RPUSD4: variants seen among roughly 807,000 people sequenced by gnomAD.
RPUSD4 encodes the protein RNA pseudouridine synthase D4.
RPUSD4 carries 37 observed loss-of-function variants against 35.4 expected under a neutral mutation model. The ratio of observed to expected loss-of-function variants is 1.04; its 90% confidence interval spans 0.80 to 1.37. The LOEUF is 1.37. Among genes scored for constraint, RPUSD4 ranks in the 40% most tolerant of loss-of-function variants. The probability of loss-of-function intolerance (pLI) is 0.00; values close to 1 mark genes in which losing one functional copy is unlikely to be tolerated. For missense variants in RPUSD4, 507 were observed against 484.9 expected (o/e 1.05, Z -0.43); for synonymous variants, 210 against 192.7 (o/e 1.09, Z -0.74).
intron 6 of RPUSD4, 55 bp from the exon 7 acceptor site, chr11:126,203,712 G>A (rs868013534): frequency 1.1e-5 from 17 of 1,567,420 alleles, no homozygotes; most frequent in South Asian, 8.2e-5. Flanking sequence ...CACCCTTGAC[G>A]AACATGCAAG....
chr11:126,205,976 A>T lies in RPUSD4; in HGVS notation c.558-195T>A, dbSNP rs1462523833. 8.6e-6 allele frequency: 4 copies of T among 464,364 alleles called. No individual in the cohort carries two copies. The East Asian group carries it at 9.6e-5, about 11-fold the overall frequency. 28.8% of individuals were successfully genotyped at this position (464,364 alleles called of 1,614,324 possible). A position where few individuals can be genotyped will look rare whatever the true frequency, so the allele number is the denominator to read the frequency against. ...ATTTCACAAGCTTATCTTTTTTACT[A>T]CTAAAGTCATACATGCTAATTGTAG... On this transcript the variant is annotated intron_variant, in intron 3 of 6. Coordinates refer to ENST00000298317, the MANE Select transcript of RPUSD4 (RefSeq NM_032795.3).
At chr11:126,210,630 G>A (rs1366379394) in intron 2 of RPUSD4, among the ~76,000 whole-genome samples, 1 of 151,590 alleles carries the variant, frequency 6.6e-6, no homozygotes, top group African/African-American at 2.4e-5. Flanking sequence ...CACAGCCTTT[G>A]TATATCTCTA....
Position 126,209,616 on chromosome 11 carries a change from C to T in RPUSD4, c.462G>A (p.Lys154=), listed in dbSNP as rs1274622585. The change falls in exon 3 of 7, where the codon AAG becomes AAA. Residue 154 remains lysine (K), a synonymous_variant. Transcript: ENST00000298317. ...CCAACACCATTACACCTGTGGTTTC[C>T]TTGTCCAGCCGGTGGCACAGATGCA... The part of the protein sequence containing the change: ...EPLHLCHRLD[K]ETTGVMVLAW... 1.2e-6 allele frequency: 2 copies of T among 1,614,232 alleles called. No homozygotes were observed. The highest frequency in any genetic ancestry group is 2.2e-5 in the South Asian group (2 of 91,088).
chr11:126,209,442 T>C (rs1949814633), intron 3 of RPUSD4, 79 bp downstream of exon 3: 1 of 1,246,730 alleles, frequency 8.0e-7, no homozygotes, highest in Admixed American at 2.0e-5. Flanking sequence ...TTAATGGGAG[T>C]TTCTGTTTTT....
At chr11:126,206,010 G>A in intron 3 of RPUSD4, 1 of 396,322 alleles carries the variant, frequency 2.5e-6, no homozygotes. Flanking sequence ...AGAATATTTG[G>A]GGTAAAAAAA....
intron 3 of RPUSD4, chr11:126,208,724 G>A (rs750247090): frequency 8.5e-5 from 13 of 152,256 alleles, no homozygotes; most frequent in Non-Finnish European, 1.3e-4. Context: ...CATATACTGC[G>A]TACACCAGAC....
Position 126,210,955 on chromosome 11 carries a change from C to T in RPUSD4, c.290G>A (p.Arg97Gln). The change falls in exon 2 of 7, where the codon CGA becomes CAA. Residue 97 changes from arginine (R) to glutamine (Q), a missense_variant. Arg to Gln is a conservative substitution (Grantham distance 43). Coordinates refer to ENST00000298317, the MANE Select transcript of RPUSD4 (RefSeq NM_032795.3). ...HPNVLAKALT[R>Q]GILHQDKNLV... ...GTTCTTGTCCTGGTGGAGAATTCCTCGGGTCAGTGCCTTAGCAAGCACGTT... is the reference window on the plus strand; with the variant it reads ...GTTCTTGTCCTGGTGGAGAATTCCTTGGGTCAGTGCCTTAGCAAGCACGTT... The T allele has an allele frequency of 6.2e-7, 1 of 1,614,038 alleles. No individual in the cohort carries two copies. The highest frequency in any genetic ancestry group is 1.1e-5 in the South Asian group (1 of 91,072).
Position 126,203,508 on chromosome 11 carries a change from G to A in RPUSD4, c.1044C>T (p.Phe348=), listed in dbSNP as rs757711686. The change falls in exon 7 of 7, where the codon TTC becomes TTT. Residue 348 remains phenylalanine, a synonymous_variant. Coordinates refer to ENST00000298317, the MANE Select transcript of RPUSD4 (RefSeq NM_032795.3). ...ELNLVCKLPR[F]FVHSLHRLRL... ...GCAGGCGGTGCAGGGAATGCACAAAGAAGCGAGGAAGTTTGCAGACCAAGT... is the reference window on the plus strand; with the variant it reads ...GCAGGCGGTGCAGGGAATGCACAAAAAAGCGAGGAAGTTTGCAGACCAAGT... 6.2e-7 allele frequency: 1 copy of A among 1,614,186 alleles called. No individual in the cohort carries two copies. The highest frequency in any genetic ancestry group is 8.5e-7 in the Non-Finnish European group (1 of 1,180,042).
intron 3 of RPUSD4, chr11:126,206,600 A>G (rs1437831685): frequency 6.6e-6 from 1 of 152,212 alleles, no homozygotes; most frequent in African/African-American, 2.4e-5. Flanking sequence ...CCACAACTCA[A>G]TAACTCATTC....
chr11:126,205,429 G>C (rs746178450), intron 5 of RPUSD4, 39 bp downstream of exon 5: 1 of 1,611,608 alleles, frequency 6.2e-7, no homozygotes, highest in East Asian at 2.2e-5. Context: ...TGGTGGCACA[G>C]GGTTTTGTGA....
rs780831728 is a variant in RPUSD4 at position 126,205,813 on chromosome 11, A to G, written c.558-32T>C. ...GTGACACAGATCACTGCTTTAGCCA[A>G]CCAAGCCAGAGAAGAACTCCTAGAT... On this transcript the variant is annotated intron_variant, in intron 3 of 6. Transcript: ENST00000298317. 10 of 1,521,838 alleles carry G rather than the reference A, an allele frequency of 6.6e-6. No homozygotes were observed. The East Asian group carries it at 1.6e-4, about 25-fold the overall frequency. 94.3% of individuals were successfully genotyped at this position (1,521,838 alleles called of 1,614,324 possible).
rs920970848 is a variant in RPUSD4 at position 126,203,206 on chromosome 11, C to T, written c.*212G>A. The T allele has an allele frequency of 1.6e-6, 1 of 627,238 alleles. No homozygotes were observed. Among genetic ancestry groups the T allele is most frequent in the Non-Finnish European group, 2.6e-6 (1 of 378,388 alleles). 38.9% of individuals were successfully genotyped at this position (627,238 alleles called of 1,614,324 possible). ...CTTTTCCACAGTGCAGCCAAACTAT[C>T]AGTAAATAGACTTTGTTCTCCATTA... On this transcript the variant is annotated 3_prime_UTR_variant, in exon 7 of 7. Transcript: ENST00000298317.
At position 126,205,490 on chromosome 11, in the gene RPUSD4, G is replaced by A. The variant is rs372278220; in HGVS notation, c.774C>T (p.Leu258=). Residue 258 remains leucine, a synonymous_variant, in exon 5 of 7, where the codon CTC becomes CTT. Transcript: ENST00000298317. The part of the protein sequence containing the change: ...QVLSSTLSSA[L]VELQPITGIK... ...CACCAGTGATGGGCTGGAGCTCCAC[G>A]AGGGCGGAGGAGAGAGTGCTGCTGA... 1.2e-4 allele frequency: 195 copies of A among 1,614,154 alleles called. No homozygotes were observed. The highest frequency in any genetic ancestry group is 1.5e-4 in the Non-Finnish European group (176 of 1,180,054).
At chr11:126,204,644 T>C (rs561103067) in intron 5 of RPUSD4, among the ~76,000 whole-genome samples, 13 of 152,242 alleles carry the variant, frequency 8.5e-5, no homozygotes, top group Non-Finnish European at 1.8e-4. Context: ...ATAAGTAGTA[T>C]TGATTTGCAC....
chr11:126,204,306 A>T lies in RPUSD4; in HGVS notation c.819T>A (p.Val273=), dbSNP rs1949745748. Residue 273 remains valine, a synonymous_variant, in exon 6 of 7, where the codon GTT becomes GTA. Coordinates refer to ENST00000298317, the MANE Select transcript of RPUSD4 (RefSeq NM_032795.3). The part of the protein sequence containing the change: ...PITGIKHQLR[V]HLSFGLDCPI... The stretch of plus-strand genomic sequence containing the variant: ...GACAATCCAATCCAAAAGACAAGTG[A>T]ACTCGAAGCTGATGTTTTATTCCTT... 1 of 1,612,918 alleles carries T rather than the reference A, an allele frequency of 6.2e-7. No homozygotes were observed. Among genetic ancestry groups the T allele is most frequent in the Non-Finnish European group, 8.5e-7 (1 of 1,179,690 alleles).
At chr11:126,210,805 G>A in intron 2 of RPUSD4, 85 bp downstream of exon 2, 1 of 1,357,418 alleles carries the variant, frequency 7.4e-7, no homozygotes, top group Admixed American at 2.1e-5. Context: ...AGGCTTTAGA[G>A]TGCACCACAA....
chr11:126,209,864 C>T lies in RPUSD4; in HGVS notation c.356-142G>A, dbSNP rs73631737. 1.4e-3 allele frequency: 951 copies of T among 679,368 alleles called. 9 individuals are homozygous for T. In the African/African-American group the frequency reaches 0.015, roughly 11 times the overall value. 42.1% of individuals were successfully genotyped at this position (679,368 alleles called of 1,614,324 possible). A position where few individuals can be genotyped will look rare whatever the true frequency, so the allele number is the denominator to read the frequency against. ...TGAAGTGTGGTCCAGAGACTAGCAA[C>T]AATGGCATGTCTAGGGAGCTTATTA... is the stretch of plus-strand genomic sequence containing the variant. On this transcript the variant is annotated intron_variant, in intron 2 of 6. Transcript: ENST00000298317.
intron 3 of RPUSD4, among the ~76,000 whole-genome samples, chr11:126,208,024 C>CT (rs552761189): frequency 1.2e-3 from 177 of 145,964 alleles, no homozygotes; most frequent in African/African-American, 2.4e-3. Flanking sequence ...TAGAAAATAT[C>CT]TTTTTTTTTT....
At chr11:126,206,021 G>GA (rs1309338804) in intron 3 of RPUSD4, 7 of 382,480 alleles carry the variant, frequency 1.8e-5, no homozygotes, top group African/African-American at 1.0e-4. Flanking sequence ...GGTAAAAAAA[G>GA]AAAAAAATTA....
Sources: allele counts gnomAD v4.1 joint callset (sites outside exome capture counted in the v4.1 genomes callset), GRCh38; gene constraint gnomAD v4.1.1; transcripts MANE v1.5; gene names NCBI Gene and HGNC (gene_info 2026-07-23, HGNC 2026-07-21).